Variants in CUTA observed in about 807,000 individuals in gnomAD.
CUTA encodes the protein protein CutA.
A neutral mutation model predicts 20.7 loss-of-function variants in CUTA; 21 were observed. That is an observed-to-expected ratio of 1.01 (90% CI 0.72 to 1.46). The LOEUF (loss-of-function observed/expected upper bound fraction) is 1.46, where lower values mean the gene tolerates loss of function less well. Ranked by LOEUF, CUTA falls within the 40% of genes most tolerant of loss-of-function variation. The pLI is 0.00. For synonymous variants in CUTA, 99 were observed against 97.9 expected, an observed-to-expected ratio of 1.01 and a Z score of -0.07; for missense variants, 231 against 226.8, an observed-to-expected ratio of 1.02 and a Z score of -0.12.
chr6:33,417,416 C>T, intron 2 of CUTA, 65 bp downstream of exon 2: 5 of 1,612,446 alleles, frequency 3.1e-6, no homozygotes, highest in Non-Finnish European at 4.2e-6. Flanking sequence ...AAGCAGCACT[C>T]TTCTGCCCCA....
chr6:33,417,913 C>G, intron 1 of CUTA, 46 bp downstream of exon 1: 1 of 1,591,414 alleles, frequency 6.3e-7, no homozygotes, highest in East Asian at 2.3e-5. Flanking sequence ...GGGTAGCGGT[C>G]GAGGCTTCGA....
chr6:33,417,168 T>C (rs1361648545), intron 3 of CUTA, 26 bp from the exon 4 acceptor site: 7 of 1,612,702 alleles, frequency 4.3e-6, no homozygotes, highest in Non-Finnish European at 5.9e-6. Flanking sequence ...GGGAGAGTTG[T>C]GGGGAGCAAA....
In CUTA at chr6:33,417,155, A is replaced by AG. The variant is rs1395995066; in HGVS notation, c.318-14dup. On this transcript the variant is annotated splice_polypyrimidine_tract_variant and intron_variant, in intron 3 of 5. Transcript: ENST00000488034. The stretch of plus-strand genomic sequence containing the variant: ...TTTCCACTCATAGCTGAAAGGTCAG[A>AG]GGGGGAGAGTTGTGGGGAGCAAAGA... The AG allele has an allele frequency of 6.2e-7, 1 of 1,612,164 alleles. No individual in the cohort carries two copies. Among genetic ancestry groups the AG allele is most frequent in the African/African-American group, 1.3e-5 (1 of 75,002 alleles).
Position 33,417,538 on chromosome 6 carries a change from G to A in CUTA, c.200C>T (p.Ser67Leu), listed in dbSNP as rs777766421. The change falls in exon 2 of 6, where the codon TCG becomes TTG. Residue 67 changes from serine to leucine, a missense_variant. Ser to Leu is a moderately radical substitution (Grantham distance 145, BLOSUM62 -2). Transcript: ENST00000488034. ...GCAAGTAACAAAGGCTGCAGAGACCGAGCCCGGAACGTAGCCAGAGCCGGA... is the reference window on the plus strand; with the variant it reads ...GCAAGTAACAAAGGCTGCAGAGACCAAGCCCGGAACGTAGCCAGAGCCGGA... ...SDSGSGYVPGSVSAAFVTCPN... is the reference protein window; with the variant it reads ...SDSGSGYVPGLVSAAFVTCPN... 4 of 1,614,162 alleles carry A rather than the reference G, an allele frequency of 2.5e-6. No homozygotes were observed. Among genetic ancestry groups the A allele is most frequent in the East Asian group, 2.2e-5 (1 of 44,870 alleles).
In CUTA at chr6:33,417,037, T is replaced by A. The variant is rs1776551503; in HGVS notation, c.363+60A>T. The A allele has an allele frequency of 3.1e-6, 5 of 1,612,084 alleles. No individual in the cohort carries two copies. In the South Asian group the frequency reaches 5.5e-5, roughly 18 times the overall value. On this transcript the variant is annotated intron_variant, in intron 4 of 5. Coordinates refer to ENST00000488034, the MANE Select transcript of CUTA (RefSeq NM_001014840.2). ...TGAGTTCAGTTTCTCAGAAGAGGGG[T>A]AAGGGCTAAAGGGGTCAGGGATTGG...
intron 5 of CUTA, 25 bp downstream of exon 5, chr6:33,416,895 A>AC (rs777067920): frequency 6.2e-7 from 1 of 1,613,820 alleles, no homozygotes; most frequent in South Asian, 1.1e-5. Flanking sequence ...ACACACCCTC[A>AC]CCCCATCCAT....
chr6:33,417,854 G>T, intron 1 of CUTA, 105 bp downstream of exon 1: 2 of 1,549,424 alleles, frequency 1.3e-6, no homozygotes, highest in Non-Finnish European at 1.7e-6. Context: ...TAAAGCAAAA[G>T]CTCATTTCAC....
In CUTA at chr6:33,418,055, A is replaced by G. The variant is rs754118168; in HGVS notation, c.-55T>C. 3.4e-5 allele frequency: 55 copies of G among 1,614,082 alleles called. No homozygotes were observed. Among genetic ancestry groups the G allele is most frequent in the Non-Finnish European group, 4.6e-5 (54 of 1,180,032 alleles). ...CTCAAAGGCCACACGTCACACGGAGAAACAACCCCAGGAAGAGCGGCCTCT... is the reference window on the plus strand; with the variant it reads ...CTCAAAGGCCACACGTCACACGGAGGAACAACCCCAGGAAGAGCGGCCTCT... On this transcript the variant is annotated 5_prime_UTR_variant, in exon 1 of 6. Coordinates refer to ENST00000488034, the MANE Select transcript of CUTA (RefSeq NM_001014840.2). This position sits in a 1 kb window ranked among gnomAD's most constrained non-coding sequence, Gnocchi z 5.7.
rs1453551425 is a variant in CUTA, at chr6:33,418,101, C to T, written c.-101G>A. ...CCTCTTCTTACCTGGGTGGCAGCCA[C>T]GTGATTAGAAAACAGCGCGCACCAT... is the stretch of plus-strand genomic sequence containing the variant. On this transcript the variant is annotated 5_prime_UTR_variant, in exon 1 of 6. It adds an upstream start codon to the 5' untranslated region. Transcript: ENST00000488034. The surrounding 1 kb of genome is among the most constrained non-coding windows in gnomAD (Gnocchi z 5.7). 6.2e-7 allele frequency: 1 copy of T among 1,614,090 alleles called. No individual in the cohort carries two copies. The highest frequency in any genetic ancestry group is 1.1e-5 in the South Asian group (1 of 91,072).
At chr6:33,417,180 A>G in intron 3 of CUTA, 38 bp from the exon 4 acceptor site, 1 of 1,613,262 alleles carries the variant, frequency 6.2e-7, no homozygotes, top group Non-Finnish European at 8.5e-7. Context: ...GGGAGCAAAG[A>G]ATTTCCCCCA....
In CUTA at chr6:33,416,727, G is replaced by T; in HGVS notation, c.463C>A (p.Gln155Lys). The change falls in exon 6 of 6, where the codon CAG becomes AAG. Residue 155 changes from glutamine to lysine, a missense_variant. Gln to Lys is a moderately conservative substitution (Grantham distance 53). Coordinates refer to ENST00000488034, the MANE Select transcript of CUTA (RefSeq NM_001014840.2). Reference sequence around the variant, plus strand: ...CACTGCAGGTACGGAAAGTTCCCCTGTTCCACAGGCAATGCAATTACCTCG... The same window carrying T: ...CACTGCAGGTACGGAAAGTTCCCCTTTTCCACAGGCAATGCAATTACCTCG... ...VAEVIALPVE[Q>K]GNFPYLQWVR... 1 of 1,614,094 alleles carries T rather than the reference G, an allele frequency of 6.2e-7. No individual in the cohort carries two copies.
At position 33,418,009 on chromosome 6, in the gene CUTA, C is replaced by T; in HGVS notation, c.-9G>A. ...GCCCGCCCCCCACTCATGCGGCCTA[C>T]GCTGGTACAGGAGAGTTGATCTCAA... is the stretch of plus-strand genomic sequence containing the variant. On this transcript the variant is annotated 5_prime_UTR_variant, in exon 1 of 6. Transcript: ENST00000488034. This position sits in a 1 kb window ranked among gnomAD's most constrained non-coding sequence, Gnocchi z 5.7. 6.2e-7 allele frequency: 1 copy of T among 1,613,826 alleles called. No homozygotes were observed. The highest frequency in any genetic ancestry group is 8.5e-7 in the Non-Finnish European group (1 of 1,179,842).
At chr6:33,416,889 A>G (rs745430478) in intron 5 of CUTA, 31 bp downstream of exon 5, 2 of 1,613,436 alleles carry the variant, frequency 1.2e-6, no homozygotes, top group South Asian at 2.2e-5. Flanking sequence ...CACAGTACAC[A>G]CCCTCACCCC....
chr6:33,417,090 TTCTC>T lies in CUTA; in HGVS notation c.363+3_363+6del. On this transcript the variant is annotated splice_donor_5th_base_variant and intron_variant, in intron 4 of 5. Coordinates refer to ENST00000488034, the MANE Select transcript of CUTA (RefSeq NM_001014840.2). The stretch of plus-strand genomic sequence containing the variant: ...ATATTTTGTTGGGTGGGGGAAATGT[TTCTC>T]ACCATCAGCACCTCACTGTCTTCCT... The T allele has an allele frequency of 6.2e-7, 1 of 1,611,602 alleles. No homozygotes were observed. Among genetic ancestry groups the T allele is most frequent in the African/African-American group, 1.3e-5 (1 of 74,972 alleles).
chr6:33,417,112 G>A lies in CUTA; in HGVS notation c.348C>T (p.Asp116=), dbSNP rs1776556203. Residue 116 remains aspartate (D), a synonymous_variant, in exon 4 of 6, where the codon GAC becomes GAT. Coordinates refer to ENST00000488034, the MANE Select transcript of CUTA (RefSeq NM_001014840.2). ...IYEWKGKIEE[D]SEVLMMIKTQ... is the part of the protein sequence containing the mutation. ...TGTTTCTCACCATCAGCACCTCACT[G>A]TCTTCCTCGATCTTCCCTTTCCACT... The A allele has an allele frequency of 6.2e-7, 1 of 1,611,610 alleles. No individual in the cohort carries two copies. Among genetic ancestry groups the A allele is most frequent in the Admixed American group, 1.7e-5 (1 of 59,900 alleles).
intron 2 of CUTA, 62 bp downstream of exon 2, chr6:33,417,419 C>T: frequency 6.2e-7 from 1 of 1,612,332 alleles, no homozygotes; most frequent in Non-Finnish European, 8.5e-7. Flanking sequence ...CAGCACTCTT[C>T]TGCCCCACCC....
intron 1 of CUTA, 82 bp downstream of exon 1, chr6:33,417,877 G>A: frequency 2.6e-6 from 4 of 1,564,798 alleles, no homozygotes; most frequent in Non-Finnish European, 3.5e-6. Flanking sequence ...ACACCTCAGG[G>A]GGCCAACCTC....
At chr6:33,417,903 G>C (rs1224485121) in intron 1 of CUTA, 56 bp downstream of exon 1, 1 of 1,584,876 alleles carries the variant, frequency 6.3e-7, no homozygotes, top group East Asian at 2.3e-5. Context: ...TTTAGGGTGC[G>C]GGTAGCGGTC....
chr6:33,417,012 T>C, intron 4 of CUTA, 43 bp from the exon 5 acceptor site: 1 of 1,613,276 alleles, frequency 6.2e-7, no homozygotes, highest in East Asian at 2.2e-5. Flanking sequence ...GGAGTGGGAT[T>C]GAGTTCAGTT....
Sources: allele counts gnomAD v4.1 joint callset, GRCh38; gene constraint gnomAD v4.1.1; non-coding constraint Gnocchi (gnomAD v3.1); transcripts MANE v1.5; gene names NCBI Gene and HGNC (gene_info 2026-07-23, HGNC 2026-07-21).